GRID1: variants seen among roughly 807,000 people sequenced by gnomAD.
GRID1 encodes the protein glutamate ionotropic receptor delta type subunit 1.
GRID1 carries 28 observed loss-of-function variants against 98.0 expected under a neutral mutation model. The observed-to-expected ratio is 0.29, with a 90% CI of 0.21 to 0.39. The LOEUF is 0.39. GRID1 is among the 10% of genes least tolerant of loss of function. The pLI, the probability that GRID1 is intolerant of heterozygous loss-of-function variation, is 1.00. For missense variants in GRID1, 1,111 were observed against 1,340.5 expected, an observed-to-expected ratio of 0.83 and a Z score of 2.67; for synonymous variants, 553 against 538.5, an observed-to-expected ratio of 1.03 and a Z score of -0.37.
chr10:86,343,235 T>G (rs1848336137), intron 2 of GRID1, among the ~76,000 whole-genome samples: 1 of 152,206 alleles, frequency 6.6e-6, no homozygotes, highest in African/African-American at 2.4e-5. Flanking sequence ...CAGCAAATTT[T>G]CTGGATTTCT....
intron 2 of GRID1, among the ~76,000 whole-genome samples, chr10:86,296,416 T>G (rs1369361760): frequency 6.6e-6 from 1 of 152,208 alleles, no homozygotes. Context: ...TCTGCAATGC[T>G]GTTGCCATCT....
At chr10:86,357,826 A>G (rs1848552812) in intron 2 of GRID1, among the ~76,000 whole-genome samples, 1 of 152,104 alleles carries the variant, frequency 6.6e-6, no homozygotes, top group African/African-American at 2.4e-5. Context: ...CACAGCTGTT[A>G]TCACTGGCAG....
chr10:85,617,465 C>T (rs984972775), intron 14 of GRID1, among the ~76,000 whole-genome samples: 1 of 152,060 alleles, frequency 6.6e-6, no homozygotes, highest in African/African-American at 2.4e-5. Context: ...AACTCCTGGC[C>T]TCACGTGATC....
intron 5 of GRID1, among the ~76,000 whole-genome samples, chr10:85,887,580 G>C (rs1289823435): frequency 1.3e-5 from 2 of 152,118 alleles, no homozygotes; most frequent in African/African-American, 4.8e-5. Context: ...GGTGACTTAT[G>C]GGCACATTAA....
chr10:85,785,304 T>C (rs1386378208), intron 8 of GRID1, among the ~76,000 whole-genome samples: 1 of 152,254 alleles, frequency 6.6e-6, no homozygotes, highest in Non-Finnish European at 1.5e-5. Flanking sequence ...AGCCCTGTGT[T>C]AGAAGCTCCT....
chr10:85,812,859 TATATATACACACAC>T (rs1182245706), intron 8 of GRID1, among the ~76,000 whole-genome samples: 3 of 151,878 alleles, frequency 2.0e-5, no homozygotes, highest in African/African-American at 7.3e-5. Context: ...GTATATTATA[TATATATACACACAC>T]ATATGTGTGT....
intron 4 of GRID1, among the ~76,000 whole-genome samples, chr10:85,935,382 T>C (rs1841913004): frequency 6.6e-6 from 1 of 152,112 alleles, no homozygotes; most frequent in Admixed American, 6.5e-5. Flanking sequence ...CCTCCCAAAA[T>C]CACCCCAGTG....
intron 11 of GRID1, 51 bp from the exon 12 acceptor site, chr10:85,723,192 T>C (rs752661214): frequency 6.5e-7 from 1 of 1,544,098 alleles, no homozygotes; most frequent in Admixed American, 1.8e-5. Context: ...CTCTCCCTCC[T>C]ATCCCCAGGG....
intron 4 of GRID1, among the ~76,000 whole-genome samples, chr10:86,055,835 C>CTCTCTCTA (rs1486050886): frequency 6.6e-6 from 1 of 152,182 alleles, no homozygotes; most frequent in Non-Finnish European, 1.5e-5. Flanking sequence ...CTCTCTCTCT[C>CTCTCTCTA]TCTCATGTGA....
intron 8 of GRID1, among the ~76,000 whole-genome samples, chr10:85,777,592 TG>T (rs1842344064): frequency 6.6e-6 from 1 of 152,242 alleles, no homozygotes; most frequent in South Asian, 2.1e-4. Flanking sequence ...TCTCATCATG[TG>T]TCTTCATAGA....
chr10:85,681,367 GA>G (rs1484259637), intron 12 of GRID1, among the ~76,000 whole-genome samples: 7 of 151,254 alleles, frequency 4.6e-5, no homozygotes, highest in Non-Finnish European at 8.8e-5. Flanking sequence ...CAACACCTAT[GA>G]AGCAGATATT....
At chr10:85,708,385 CA>C (rs1250899673) in intron 12 of GRID1, among the ~76,000 whole-genome samples, 1 of 129,258 alleles carries the variant, frequency 7.7e-6, no homozygotes, top group Non-Finnish European at 1.6e-5. Context: ...GCCTGGGGCA[CA>C]AAGCAAGACT....
chr10:86,279,999 T>C (rs1017668384), intron 2 of GRID1, among the ~76,000 whole-genome samples: 19 of 152,176 alleles, frequency 1.2e-4, no homozygotes, highest in African/African-American at 4.6e-4. Context: ...GGCCAGGAGT[T>C]TGAGACCAGC....
rs147816099 is a variant in GRID1, at chr10:85,728,040, C to G, written c.1348G>C (p.Val450Leu). 1 of 1,611,676 alleles carries G rather than the reference C, an allele frequency of 6.2e-7. No homozygotes were observed. The highest frequency in any genetic ancestry group is 8.5e-7 in the Non-Finnish European group (1 of 1,177,950). ...KVVTVLEEPF[V>L]MVAENILGQP... ...CCTAGGATGTTCTCAGCCACCATCA[C>G]GAAAGGCTCTTCCTGAGGACAACAG... is the stretch of plus-strand genomic sequence containing the variant. The change falls in exon 10 of 16, where the codon GTG becomes CTG. Residue 450 changes from valine (V) to leucine (L), a missense_variant. Transcript: ENST00000327946.
At position 85,869,141 on chromosome 10, in the gene GRID1, C is replaced by T. The variant is rs1485634759; in HGVS notation, c.820G>A (p.Ala274Thr). The change falls in exon 6 of 16, where the codon GCC becomes ACC. Residue 274 changes from alanine (A) to threonine (T), a missense_variant. Transcript: ENST00000327946. ...CGGACCACGGTCATCCTTCCAAGGG[C>T]ACTATGGACCAGATCCAGGATCTCC... ...DPEILDLVHS[A>T]LGRMTVVRQI... 2.5e-6 allele frequency: 4 copies of T among 1,613,778 alleles called. No homozygotes were observed. The highest frequency in any genetic ancestry group is 3.4e-6 in the Non-Finnish European group (4 of 1,179,838).
intron 8 of GRID1, among the ~76,000 whole-genome samples, chr10:85,837,103 T>G (rs1057161386): frequency 5.9e-5 from 9 of 151,400 alleles, no homozygotes; most frequent in African/African-American, 2.2e-4. Flanking sequence ...CACCACCGAC[T>G]GTCACTGCAG....
intron 4 of GRID1, among the ~76,000 whole-genome samples, chr10:86,074,042 A>G (rs966607421): frequency 2.6e-5 from 4 of 152,208 alleles, no homozygotes; most frequent in African/African-American, 9.6e-5. Context: ...GAGATAGCTC[A>G]ATAGTCCATC....
chr10:86,021,722 T>G (rs1199135079), intron 4 of GRID1, among the ~76,000 whole-genome samples: 1 of 152,126 alleles, frequency 6.6e-6, no homozygotes, highest in East Asian at 1.9e-4. Context: ...TATATTCAGG[T>G]TGATGTCTGG....
chr10:86,139,046 G>A (rs1844973664), intron 3 of GRID1, 22 bp from the exon 4 acceptor site: 1 of 1,573,534 alleles, frequency 6.4e-7, no homozygotes, highest in African/African-American at 1.3e-5. Flanking sequence ...GAGAAGAGGA[G>A]GAAAAGAAAA....
Sources: allele counts gnomAD v4.1 joint callset (sites outside exome capture counted in the v4.1 genomes callset), GRCh38; gene constraint gnomAD v4.1.1; transcripts MANE v1.5; gene names NCBI Gene and HGNC (gene_info 2026-07-23, HGNC 2026-07-21).